MAMDC2: variants seen among roughly 807,000 people sequenced by gnomAD.
MAMDC2 encodes MAM domain-containing protein 2.
Under a neutral mutation model 89.8 loss-of-function variants are expected in MAMDC2, and 57 were observed. The ratio of observed to expected loss-of-function variants is 0.63; its 90% CI spans 0.51 to 0.79. MAMDC2 has a LOEUF of 0.79. MAMDC2 is among the 30% of genes least tolerant of loss of function. The probability of loss-of-function intolerance (pLI) is 0.00; values close to 1 mark genes in which losing one functional copy is unlikely to be tolerated. For synonymous variants in MAMDC2, 313 were observed against 293.4 expected (o/e 1.07, Z -0.68); for missense variants, 800 against 820.6 (o/e 0.97, Z 0.31).
chr9:70,127,638 C>T (rs1164735895), intron 6 of MAMDC2, among the ~76,000 whole-genome samples: 4 of 151,486 alleles, frequency 2.6e-5, no homozygotes, highest in African/African-American at 7.3e-5. Flanking sequence ...CTACTGATGG[C>T]GTGCCTGCCT....
At chr9:70,047,682 T>A (rs1262866023) in intron 2 of MAMDC2, among the ~76,000 whole-genome samples, 1 of 152,206 alleles carries the variant, frequency 6.6e-6, no homozygotes, top group African/African-American at 2.4e-5. Context: ...ATGCACTTCT[T>A]ATATGTCCAT....
intron 11 of MAMDC2, among the ~76,000 whole-genome samples, chr9:70,184,391 G>T (rs764105865): frequency 6.6e-6 from 1 of 152,028 alleles, no homozygotes; most frequent in Non-Finnish European, 1.5e-5. Flanking sequence ...GTATCTTAGT[G>T]GTGTTTTCTG....
At chr9:70,080,171 A>T (rs1198115482) in intron 2 of MAMDC2, among the ~76,000 whole-genome samples, 1 of 152,218 alleles carries the variant, frequency 6.6e-6, no homozygotes, top group East Asian at 1.9e-4. Flanking sequence ...TAATTAATAG[A>T]TTAATAGTCT....
chr9:70,122,317 G>A (rs575282633), intron 5 of MAMDC2, among the ~76,000 whole-genome samples: 2 of 152,156 alleles, frequency 1.3e-5, no homozygotes, highest in Non-Finnish European at 2.9e-5. Context: ...TGGTTCACTT[G>A]GCCTAGCATC....
At chr9:70,185,310 G>A (rs772167611) in intron 11 of MAMDC2, among the ~76,000 whole-genome samples, 1 of 152,230 alleles carries the variant, frequency 6.6e-6, no homozygotes, top group African/African-American at 2.4e-5. Context: ...TGTAAGAGGT[G>A]TCTGTCGGTC....
intron 11 of MAMDC2, chr9:70,217,569 T>C (rs916447815): frequency 1.2e-6 from 2 of 1,600,722 alleles, no homozygotes; most frequent in Non-Finnish European, 8.6e-7. Flanking sequence ...CTAAAAAGAC[T>C]GCAATGGCTA....
intron 9 of MAMDC2, among the ~76,000 whole-genome samples, chr9:70,152,435 A>G (rs1258673736): frequency 6.6e-6 from 1 of 152,208 alleles, no homozygotes; most frequent in Non-Finnish European, 1.5e-5. Flanking sequence ...AAAGCAGTCC[A>G]GCGCCATTTA....
Position 70,056,854 on chromosome 9 carries a change from T to G in MAMDC2, c.148+12157T>G, listed in dbSNP as rs548174663. Among the ~76,000 whole-genome samples, 126 of 152,236 alleles carry G rather than the reference T, an allele frequency of 8.3e-4. 1 individual carries two copies. In the South Asian group the frequency reaches 8.5e-3, roughly 10 times the overall value. ...CAGCGGCATTAGATTCTCATAGGAA[T>G]GGGAACCCTACGTAATTTGCACATG... is the stretch of plus-strand genomic sequence containing the variant. On this transcript the variant is annotated intron_variant, in intron 2 of 13. Coordinates refer to ENST00000377182, the MANE Select transcript of MAMDC2 (RefSeq NM_153267.5).
chr9:70,194,666 A>C (rs2032944255), intron 11 of MAMDC2: 1 of 152,158 alleles, frequency 6.6e-6, no homozygotes, highest in South Asian at 2.1e-4. Flanking sequence ...TCTGATGATT[A>C]ACTGAGATTG....
At chr9:70,046,743 ATTCT>A (rs148843662) in intron 2 of MAMDC2, among the ~76,000 whole-genome samples, 2,116 of 152,354 alleles carry the variant, frequency 0.014, 52 homozygotes, top group African/African-American at 0.048. Flanking sequence ...TGCTTTCTGC[ATTCT>A]TTCTAACAAC....
intron 2 of MAMDC2, among the ~76,000 whole-genome samples, chr9:70,059,280 T>C (rs1024507578): frequency 6.6e-6 from 1 of 152,148 alleles, no homozygotes; most frequent in Middle Eastern, 3.2e-3. Flanking sequence ...TCTTGACCCA[T>C]GGCATACGAG....
chr9:70,047,748 G>GT (rs1826791285), intron 2 of MAMDC2, among the ~76,000 whole-genome samples: 1 of 152,202 alleles, frequency 6.6e-6, no homozygotes, highest in African/African-American at 2.4e-5. Context: ...GAGAAGGAAG[G>GT]TAAGTTGGGA....
At chr9:70,182,746 T>C (rs1204002649) in intron 11 of MAMDC2, among the ~76,000 whole-genome samples, 1 of 152,212 alleles carries the variant, frequency 6.6e-6, no homozygotes, top group Non-Finnish European at 1.5e-5. Context: ...TCTTCTCTGT[T>C]CTTTTTTATT....
At chr9:70,113,571 T>C (rs1828566247) in intron 5 of MAMDC2, among the ~76,000 whole-genome samples, 1 of 152,198 alleles carries the variant, frequency 6.6e-6, no homozygotes, top group South Asian at 2.1e-4. Context: ...GAGCCAATAC[T>C]GATGATTAGC....
chr9:70,119,978 T>C (rs193148533), intron 5 of MAMDC2, among the ~76,000 whole-genome samples: 24 of 152,308 alleles, frequency 1.6e-4, no homozygotes, highest in Middle Eastern at 3.4e-3. Flanking sequence ...TGAGCAACTC[T>C]CTGGCTGACC....
chr9:70,204,999 C>G (rs1482180102), intron 11 of MAMDC2, among the ~76,000 whole-genome samples: 5 of 152,248 alleles, frequency 3.3e-5, no homozygotes, highest in Non-Finnish European at 7.3e-5. Context: ...GATGGAAATG[C>G]AGAAATCACC....
intron 7 of MAMDC2, among the ~76,000 whole-genome samples, 198 bp downstream of exon 7, chr9:70,131,810 A>C (rs953148940): frequency 6.6e-6 from 1 of 152,154 alleles, no homozygotes; most frequent in African/African-American, 2.4e-5. Context: ...AATGTTTCTG[A>C]CACCATCAGC....
intron 2 of MAMDC2, among the ~76,000 whole-genome samples, chr9:70,075,427 C>G (rs1345148565): frequency 1.3e-5 from 2 of 152,180 alleles, no homozygotes; most frequent in African/African-American, 4.8e-5. Flanking sequence ...GCCAGGCTAC[C>G]AGATCAGAAT....
intron 2 of MAMDC2, among the ~76,000 whole-genome samples, chr9:70,104,998 AT>A (rs61167412): frequency 6.6e-6 from 1 of 151,952 alleles, no homozygotes; most frequent in Non-Finnish European, 1.5e-5. Context: ...TAAATAAAAC[AT>A]TTTTTTACAC....
Sources: gnomAD v4.1 joint callset for allele counts (sites outside exome capture counted in the v4.1 genomes callset) on GRCh38, gnomAD v4.1.1 for gene constraint, MANE v1.5 for transcripts, NCBI Gene and HGNC (gene_info 2026-07-23, HGNC 2026-07-21) for gene names.